The following PSD3 variants were observed in gnomAD, a reference collection of about 807,000 sequenced individuals.
The protein encoded by PSD3 is PH and SEC7 domain-containing protein 3.
PSD3 carries 49 observed loss-of-function variants against 105.5 expected under a neutral mutation model. That is an observed-to-expected ratio of 0.46 (90% CI 0.37 to 0.59). PSD3 has a LOEUF of 0.59. PSD3 is among the 20% of genes least tolerant of loss of function. The pLI, the probability that PSD3 is intolerant of heterozygous loss-of-function variation, is 0.00. For synonymous variants in PSD3, 557 were observed against 457.8 expected (o/e 1.22, Z -2.77); for missense variants, 1,561 against 1,263.8 (o/e 1.24, Z -3.57).
intron 13 of PSD3, among the ~76,000 whole-genome samples, chr8:18,573,919 C>A (rs1546000): frequency 0.36 from 54,838 of 151,964 alleles, 10,243 homozygotes; most frequent in East Asian, 0.45. Flanking sequence ...ATGTACATTT[C>A]AAACTGGTGA....
At chr8:18,706,410 A>C (rs1471057160) in intron 9 of PSD3, among the ~76,000 whole-genome samples, 1 of 152,230 alleles carries the variant, frequency 6.6e-6, no homozygotes, top group Admixed American at 6.5e-5. Context: ...TTGGTTAAAA[A>C]AAAGAAAACC....
At chr8:18,848,131 T>TAA (rs11464716) in intron 4 of PSD3, among the ~76,000 whole-genome samples, 2,822 of 149,408 alleles carry the variant, frequency 0.019, 75 homozygotes, top group African/African-American at 0.06. Context: ...TTTCGAGAGT[T>TAA]AAAAAAAAAA....
chr8:18,851,504 C>T (rs1815559041), intron 4 of PSD3, among the ~76,000 whole-genome samples: 1 of 152,242 alleles, frequency 6.6e-6, no homozygotes. Context: ...TCAGACCAGC[C>T]CTCTGCTACG....
chr8:18,868,030 T>C lies in PSD3; in HGVS notation c.1278A>G (p.Glu426=), dbSNP rs750556459. 4.3e-6 allele frequency: 7 copies of C among 1,613,396 alleles called. No individual in the cohort carries two copies. In the East Asian group the frequency reaches 1.3e-4, roughly 31 times the overall value. Residue 426 remains glutamate, a synonymous_variant, in exon 4 of 16, where the codon GAA becomes GAG. Transcript: ENST00000327040. ...EQEEHVKGED[E]DILGPGYTED... ...CCGTATATCCAGGCCCAAGGATGTC[T>C]TCATCTTCCCCCTTAACGTGCTCCT...
At chr8:18,930,218 T>C (rs111950849) in intron 2 of PSD3, among the ~76,000 whole-genome samples, 1 of 152,130 alleles carries the variant, frequency 6.6e-6, no homozygotes, top group Non-Finnish European at 1.5e-5. Context: ...CTGAAAGCTG[T>C]CCATAGAGAT....
intron 9 of PSD3, among the ~76,000 whole-genome samples, chr8:18,693,318 C>T (rs1436517968): frequency 6.6e-6 from 1 of 152,178 alleles, no homozygotes; most frequent in African/African-American, 2.4e-5. Flanking sequence ...ATGGTTTCTA[C>T]CAGGTCAACA....
intron 1 of PSD3, among the ~76,000 whole-genome samples, chr8:18,982,874 G>A (rs1234863082): frequency 1.3e-5 from 2 of 152,170 alleles, no homozygotes; most frequent in East Asian, 3.9e-4. Context: ...AATGAGCAAT[G>A]GCTTCAACTT....
intron 8 of PSD3, among the ~76,000 whole-genome samples, chr8:18,796,846 G>A (rs893464251): frequency 2.0e-5 from 3 of 152,174 alleles, no homozygotes; most frequent in African/African-American, 7.2e-5. Context: ...TCTGGCATCG[G>A]ATCAAGTAAT....
intron 10 of PSD3, among the ~76,000 whole-genome samples, chr8:18,651,523 T>C (rs1808479907): frequency 6.6e-6 from 1 of 152,234 alleles, no homozygotes; most frequent in Non-Finnish European, 1.5e-5. Flanking sequence ...TAGCCTTTTA[T>C]GGAGCCTTCA....
chr8:18,959,467 T>C (rs1225894220), intron 1 of PSD3, among the ~76,000 whole-genome samples: 4 of 152,010 alleles, frequency 2.6e-5, no homozygotes, highest in Middle Eastern at 3.2e-3. Flanking sequence ...AAAATAAAGC[T>C]CACACTCTAG....
At chr8:18,628,059 T>C (rs897036108) in intron 11 of PSD3, among the ~76,000 whole-genome samples, 1 of 151,600 alleles carries the variant, frequency 6.6e-6, no homozygotes, top group Non-Finnish European at 1.5e-5. Context: ...AAATGAAGAA[T>C]AAAAACTATC....
At chr8:18,702,336 A>C (rs1487986290) in intron 9 of PSD3, among the ~76,000 whole-genome samples, 3 of 152,150 alleles carry the variant, frequency 2.0e-5, no homozygotes, top group African/African-American at 4.8e-5. Context: ...AACCTACTTT[A>C]TGGGTTGTTC....
intron 2 of PSD3, among the ~76,000 whole-genome samples, chr8:18,915,966 C>T (rs1430843108): frequency 1.3e-5 from 2 of 151,860 alleles, no homozygotes; most frequent in Non-Finnish European, 2.9e-5. Flanking sequence ...ATGGGTGGCA[C>T]ATGCCTGTAA....
intron 9 of PSD3, among the ~76,000 whole-genome samples, chr8:18,729,276 G>A (rs1204055710): frequency 6.6e-6 from 1 of 152,154 alleles, no homozygotes; most frequent in African/African-American, 2.4e-5. Context: ...TTCTGTAAAA[G>A]CTTAAGCAAT....
At chr8:18,948,056 C>T (rs1402118353) in intron 1 of PSD3, among the ~76,000 whole-genome samples, 1 of 152,124 alleles carries the variant, frequency 6.6e-6, no homozygotes, top group African/African-American at 2.4e-5. Context: ...CCGCCTTTGC[C>T]ACCATCTCAT....
At chr8:18,882,749 T>C (rs1818190028) in intron 2 of PSD3, among the ~76,000 whole-genome samples, 1 of 152,058 alleles carries the variant, frequency 6.6e-6, no homozygotes, top group African/African-American at 2.4e-5. Context: ...TTGTAGTTCC[T>C]TAGTGCTCCA....
intron 9 of PSD3, among the ~76,000 whole-genome samples, chr8:18,729,005 T>G (rs1166047268): frequency 1.3e-5 from 2 of 152,198 alleles, no homozygotes; most frequent in Non-Finnish European, 2.9e-5. Context: ...TCAAAAAATG[T>G]GGAATTCACA....
At chr8:19,049,071 A>G (rs965316128) in intron 1 of PSD3, among the ~76,000 whole-genome samples, 2 of 152,104 alleles carry the variant, frequency 1.3e-5, no homozygotes, top group African/African-American at 4.8e-5. Flanking sequence ...TTTTGCCTTA[A>G]TTACCTCTTT....
chr8:18,810,163 G>C (rs1044036543), intron 4 of PSD3, among the ~76,000 whole-genome samples: 1 of 152,096 alleles, frequency 6.6e-6, no homozygotes, highest in African/African-American at 2.4e-5. Context: ...CAAATTCTGT[G>C]AACTCTTAGT....
Sources: gnomAD v4.1 joint callset for allele counts (sites outside exome capture counted in the v4.1 genomes callset) on GRCh38, gnomAD v4.1.1 for gene constraint, MANE v1.5 for transcripts, NCBI Gene and HGNC (gene_info 2026-07-23, HGNC 2026-07-21) for gene names.